TNXB: variants seen among roughly 807,000 people sequenced by gnomAD.
TNXB encodes the protein tenascin-X.
Under a neutral mutation model 340.5 loss-of-function variants are expected in TNXB, and 183 were observed. That is an observed-to-expected ratio of 0.54 (90% CI 0.48 to 0.61). The LOEUF (loss-of-function observed/expected upper bound fraction) is 0.61, where lower values mean the gene tolerates loss of function less well. Among genes scored for constraint, TNXB ranks in the 20% least tolerant of loss-of-function variants. The pLI is 0.00. For missense variants in TNXB, 4,613 were observed against 5,446.4 expected, an observed-to-expected ratio of 0.85 and a Z score of 4.82; for synonymous variants, 2,121 against 2,314.5, an observed-to-expected ratio of 0.92 and a Z score of 2.40.
Position 32,072,337 on chromosome 6 carries a change from T to G in TNXB, c.4682-39A>C. 47 of 1,536,376 alleles carry G rather than the reference T, an allele frequency of 3.1e-5. No individual in the cohort carries two copies. The highest frequency in any genetic ancestry group is 3.7e-5 in the Non-Finnish European group (42 of 1,135,714). On this transcript the variant is annotated intron_variant, in intron 12 of 43. Transcript: ENST00000644971. This position sits in a 1 kb window ranked among gnomAD's most constrained non-coding sequence, Gnocchi z 4.4. ...AGACAAAGAACATGGTTGAGATCTC[T>G]GAGGGGAGAACCCCTGGGCTTTGAG...
chr6:32,097,375 G>C lies in TNXB; in HGVS notation c.478C>G (p.Pro160Ala), dbSNP rs1304232078. ...DLSRCTCSCE[P>A]GWGGPTCSDP... ...GAGCAGGTGGGCCCACCCCAGCCTG[G>C]CTCACAGGAACAGGTGCAGCGGCTC... Residue 160 changes from proline to alanine, a missense_variant, in exon 3 of 44, where the codon CCA (proline) becomes GCA (alanine). Physicochemically the swap from Pro to Ala is conservative, Grantham distance 27. This residue lies in a region of TNXB where 4,327 missense variants were observed against 4,859.4 expected (regional missense o/e 0.89). Transcript: ENST00000644971. This position sits in a 1 kb window ranked among gnomAD's most constrained non-coding sequence, Gnocchi z 5.9. 6.2e-7 allele frequency: 1 copy of C among 1,611,628 alleles called. No individual in the cohort carries two copies. The highest frequency in any genetic ancestry group is 8.5e-7 in the Non-Finnish European group (1 of 1,179,716).
rs182372085 is a variant in TNXB at position 32,087,181 on chromosome 6, T to C, written c.2780-1063A>G. 27 of 461,246 alleles carry C rather than the reference T, an allele frequency of 5.9e-5. No individual in the cohort carries two copies. Among genetic ancestry groups the C allele is most frequent in the African/African-American group, 4.9e-4 (25 of 50,752 alleles). 28.6% of individuals were successfully genotyped at this position (461,246 alleles called of 1,614,324 possible). On this transcript the variant is annotated intron_variant, in intron 6 of 43. Coordinates refer to ENST00000644971, the MANE Select transcript of TNXB (RefSeq NM_001365276.2). This position sits in a 1 kb window ranked among gnomAD's most constrained non-coding sequence, Gnocchi z 9.0. ...GGGGGGTGGCAGTGGGAGGAATTCATGAATGCAGGCTCCAACGGCAGGTGA... is the reference window on the plus strand; with the variant it reads ...GGGGGGTGGCAGTGGGAGGAATTCACGAATGCAGGCTCCAACGGCAGGTGA...
In TNXB at chr6:32,048,373, C is replaced by T; in HGVS notation, c.10035G>A (p.Glu3345=). The change falls in exon 29 of 44, where the codon GAG becomes GAA. Residue 3345 remains glutamate, a synonymous_variant. Coordinates refer to ENST00000644971, the MANE Select transcript of TNXB (RefSeq NM_001365276.2). ...NGKRHGPVPV[E]ARTAPDTKPS... ...CCAGCCCTCACTCACCGGTCCTGGC[C>T]TCCACAGGGACTGGGCCGTGGCGTT... is the stretch of plus-strand genomic sequence containing the variant. The T allele has an allele frequency of 2.0e-6, 3 of 1,496,756 alleles. No homozygotes were observed. The highest frequency in any genetic ancestry group is 2.3e-5 in the East Asian group (1 of 43,478). The allele number at this position is 1,496,756 out of a possible 1,614,324, so 92.7% of individuals were successfully genotyped here. A position where few individuals can be genotyped will look rare whatever the true frequency, so the allele number is the denominator to read the frequency against.
At chr6:32,103,647 C>T in intron 1 of TNXB, among the ~76,000 whole-genome samples, 1 of 152,032 alleles carries the variant, frequency 6.6e-6, no homozygotes, top group Non-Finnish European at 1.5e-5. Flanking sequence ...ACTTCGGTGC[C>T]ACAAAATCTA....
At chr6:32,103,312 C>G (rs1780817619) in intron 1 of TNXB, among the ~76,000 whole-genome samples, 2 of 151,834 alleles carry the variant, frequency 1.3e-5, no homozygotes, top group African/African-American at 4.8e-5. Context: ...TGCCTGTAAT[C>G]CCAGCTACTT....
rs781462004 is a variant in TNXB at position 32,056,921 on chromosome 6, C to A, written c.7826-18G>T. Reference sequence around the variant, plus strand: ...TTCATCCTCTGGAGTTGGACAGACACGTGTGGGGACAGTGAGGTCCCTGGC... The same window carrying A: ...TTCATCCTCTGGAGTTGGACAGACAAGTGTGGGGACAGTGAGGTCCCTGGC... On this transcript the variant is annotated intron_variant, in intron 22 of 43. Transcript: ENST00000644971. 5 of 1,606,332 alleles carry A rather than the reference C, an allele frequency of 3.1e-6. No homozygotes were observed. In the South Asian group the frequency reaches 4.4e-5, roughly 14 times the overall value.
intron 1 of TNXB, among the ~76,000 whole-genome samples, chr6:32,099,525 C>T (rs368755305): frequency 5.3e-5 from 8 of 152,218 alleles, no homozygotes; most frequent in East Asian, 1.9e-4. Context: ...AGTCACCGCA[C>T]GACCTCTTTC....
rs1039341019 is a variant in TNXB at position 32,073,349 on chromosome 6, C to A, written c.4681+298G>T. Among the ~76,000 whole-genome samples the A allele has an allele frequency of 2.0e-5, 3 of 152,008 alleles. No individual in the cohort carries two copies. Among genetic ancestry groups the A allele is most frequent in the African/African-American group, 7.3e-5 (3 of 41,356 alleles). On this transcript the variant is annotated intron_variant, in intron 12 of 43. Transcript: ENST00000644971. The surrounding 1 kb of genome is among the most constrained non-coding windows in gnomAD (Gnocchi z 4.6). ...AGGGGTGGAAACAGCTGTGGGCAGT[C>A]GGAGAGGGGGAGAGAAAGTCTGTGG...
At chr6:32,059,715 T>A (rs995546801) in intron 21 of TNXB, among the ~76,000 whole-genome samples, 1 of 151,924 alleles carries the variant, frequency 6.6e-6, no homozygotes, top group South Asian at 2.1e-4. Context: ...AACATGCATA[T>A]GGAAATGAGG....
At position 32,090,296 on chromosome 6, in the gene TNXB, AAAC is replaced by A. The variant is rs796457666; in HGVS notation, c.2359-920_2359-918del. Among the ~76,000 whole-genome samples, 4 of 152,330 alleles carry A rather than the reference AAAC, an allele frequency of 2.6e-5. No individual in the cohort carries two copies. The highest frequency in any genetic ancestry group is 9.6e-5 in the African/African-American group (4 of 41,576). Reference sequence around the variant, plus strand: ...CTATGCTTAGCAAATGCTTGTGAGAAAACAACACTCCTACAAGTGTACATTTAA... The same window carrying A: ...CTATGCTTAGCAAATGCTTGTGAGAAAACACTCCTACAAGTGTACATTTAA... On this transcript the variant is annotated intron_variant, in intron 4 of 43. Coordinates refer to ENST00000644971, the MANE Select transcript of TNXB (RefSeq NM_001365276.2). This position sits in a 1 kb window ranked among gnomAD's most constrained non-coding sequence, Gnocchi z 4.3.
Position 32,082,179 on chromosome 6 carries a change from C to T in TNXB, c.3593G>A (p.Gly1198Glu), listed in dbSNP as rs1325952919. Reference sequence around the variant, plus strand: ...TTCCACAGGTACCACCTGGGGCCGTCCATCCCTGTCCCTGTACTGGACCAT... The same window carrying T: ...TTCCACAGGTACCACCTGGGGCCGTTCATCCCTGTCCCTGTACTGGACCAT... ...TFMVQYRDRD[G>E]RPQVVPVEGP... The change falls in exon 9 of 44, where the codon GGA (glycine) becomes GAA (glutamate). Residue 1198 changes from glycine (G) to glutamate (E), a missense_variant. Coordinates refer to ENST00000644971, the MANE Select transcript of TNXB (RefSeq NM_001365276.2). The surrounding 1 kb of genome is among the most constrained non-coding windows in gnomAD (Gnocchi z 5.0). 1 of 1,612,756 alleles carries T rather than the reference C, an allele frequency of 6.2e-7. No individual in the cohort carries two copies. The highest frequency in any genetic ancestry group is 8.5e-7 in the Non-Finnish European group (1 of 1,179,706).
rs528915277 is a variant in TNXB at position 32,049,553 on chromosome 6, A to C, written c.9474T>G (p.Thr3158=). ...GCTCCTCAGGGGCCTCCGGGGCCTCAGTGCTGGGTTCTGTGGGGCTGGGGG... is the reference window on the plus strand; with the variant it reads ...GCTCCTCAGGGGCCTCCGGGGCCTCCGTGCTGGGTTCTGTGGGGCTGGGGG... ...EETPSPTEPS[T]EAPEAPEEPL... is the part of the protein sequence containing the mutation. The change falls in exon 28 of 44, where the codon ACT becomes ACG. Residue 3158 remains threonine (T), a synonymous_variant. Coordinates refer to ENST00000644971, the MANE Select transcript of TNXB (RefSeq NM_001365276.2). This position sits in a 1 kb window ranked among gnomAD's most constrained non-coding sequence, Gnocchi z 4.5. 43 of 1,612,314 alleles carry C rather than the reference A, an allele frequency of 2.7e-5. No individual in the cohort carries two copies. The highest frequency in any genetic ancestry group is 1.7e-4 in the Middle Eastern group (1 of 5,822).
Position 32,055,888 on chromosome 6 carries a change from C to A in TNXB, c.8430G>T (p.Gly2810=). 6.2e-7 allele frequency: 1 copy of A among 1,612,974 alleles called. No individual in the cohort carries two copies. The highest frequency in any genetic ancestry group is 1.1e-5 in the South Asian group (1 of 91,074). The change falls in exon 24 of 44, where the codon GGG becomes GGT. Residue 2810 remains glycine, a synonymous_variant. Transcript: ENST00000644971. ...CGGTGGACACCGGGCCCACACGCCG[C>A]CCCTCGTGGAGGCCGTACAGGTGCA... ...YKMHLYGLHE[G]RRVGPVSTVG... is the part of the protein sequence containing the mutation.
At position 32,049,540 on chromosome 6, in the gene TNXB, C is replaced by G. The variant is rs764219099; in HGVS notation, c.9487G>C (p.Ala3163Pro). 5.0e-6 allele frequency: 8 copies of G among 1,612,320 alleles called. No homozygotes were observed. Among genetic ancestry groups the G allele is most frequent in the Non-Finnish European group, 6.8e-6 (8 of 1,179,818 alleles). ...PTEPSTEAPEAPEEPLLGELT... is the reference protein window; with the variant it reads ...PTEPSTEAPEPPEEPLLGELT... ...TCCCCCAGGAGCGGCTCCTCAGGGGCCTCCGGGGCCTCAGTGCTGGGTTCT... is the reference window on the plus strand; with the variant it reads ...TCCCCCAGGAGCGGCTCCTCAGGGGGCTCCGGGGCCTCAGTGCTGGGTTCT... The change falls in exon 28 of 44, where the codon GCC (alanine) becomes CCC (proline). Residue 3163 changes from alanine (A) to proline (P), a missense_variant. Around this residue, in one of 7 missense-constraint regions of TNXB, gnomAD observed 4,327 missense variants for 4,859.4 expected, o/e 0.89. Transcript: ENST00000644971. The surrounding 1 kb of genome is among the most constrained non-coding windows in gnomAD (Gnocchi z 4.5).
In TNXB at chr6:32,050,331, C is replaced by T. The variant is rs1352382132; in HGVS notation, c.9116-10G>A. 6.2e-7 allele frequency: 1 copy of T among 1,610,960 alleles called. No homozygotes were observed. The highest frequency in any genetic ancestry group is 8.5e-7 in the Non-Finnish European group (1 of 1,178,176). On this transcript the variant is annotated splice_polypyrimidine_tract_variant and intron_variant, in intron 26 of 43. Coordinates refer to ENST00000644971, the MANE Select transcript of TNXB (RefSeq NM_001365276.2). ...GCTTCATCCTTTGGAGCTGGACAGA[C>T]ACGTGTGGGGACAGTGAGGACCCTG... is the stretch of plus-strand genomic sequence containing the variant.
chr6:32,108,040 G>A lies in TNXB; in HGVS notation c.-9+1141C>T, dbSNP rs1781064591. ...GGATTTCCAGGCCCCAGCTGAAAAT[G>A]GTTAGGGGTGCAATGAGAGACAGGA... On this transcript the variant is annotated intron_variant, in intron 1 of 43. Transcript: ENST00000644971. This position sits in a 1 kb window ranked among gnomAD's most constrained non-coding sequence, Gnocchi z 4.8. Among the ~76,000 whole-genome samples the A allele has an allele frequency of 6.6e-6, 1 of 152,136 alleles. No individual in the cohort carries two copies. The highest frequency in any genetic ancestry group is 2.4e-5 in the African/African-American group (1 of 41,418).
At chr6:32,043,146 C>T in intron 37 of TNXB, 29 bp downstream of exon 37, 2 of 190,004 alleles carry the variant, frequency 1.1e-5, no homozygotes, top group Non-Finnish European at 1.8e-5. Flanking sequence ...TACCTCCTCT[C>T]CCTGTCCCAC....
rs1441187119 is a variant in TNXB at position 32,096,486 on chromosome 6, T to A, written c.1367A>T (p.Tyr456Phe). ...GCGCACACCGCAGTCCTCGCCGCTG[T>A]AGCCCGCATTGCAAACACACACGCC... is the stretch of plus-strand genomic sequence containing the variant. ...ENGVCVCNAG[Y>F]SGEDCGVRSC... Residue 456 changes from tyrosine (Y) to phenylalanine (F), a missense_variant, in exon 3 of 44, where the codon TAC becomes TTC. Tyr to Phe is a conservative substitution (Grantham distance 22, BLOSUM62 3). Coordinates refer to ENST00000644971, the MANE Select transcript of TNXB (RefSeq NM_001365276.2). 6.3e-7 allele frequency: 1 copy of A among 1,599,494 alleles called. No individual in the cohort carries two copies. The highest frequency in any genetic ancestry group is 1.3e-5 in the African/African-American group (1 of 74,324).
intron 19 of TNXB, among the ~76,000 whole-genome samples, chr6:32,063,447 C>T (rs985437184): frequency 6.6e-6 from 1 of 151,340 alleles, no homozygotes; most frequent in Admixed American, 6.6e-5. Flanking sequence ...CCAAACACAA[C>T]AGGCAAGTTG....
Sources: gnomAD v4.1 joint callset for allele counts (sites outside exome capture counted in the v4.1 genomes callset) on GRCh38, gnomAD v4.1.1 for gene constraint, gnomAD v4.1.1 regional missense constraint, Gnocchi (gnomAD v3.1) non-coding constraint, MANE v1.5 for transcripts, NCBI Gene and HGNC (gene_info 2026-07-23, HGNC 2026-07-21) for gene names.